Variants in KIAA1671 observed in about 807,000 individuals in gnomAD.
KIAA1671 encodes the protein uncharacterized protein KIAA1671.
In KIAA1671, 52 loss-of-function variants were observed where a neutral mutation model predicts 131.2. The observed-to-expected ratio is 0.40, with a 90% CI of 0.32 to 0.50. The LOEUF (loss-of-function observed/expected upper bound fraction) is 0.50, where lower values mean the gene tolerates loss of function less well. Among genes scored for constraint, KIAA1671 ranks in the 20% least tolerant of loss-of-function variants. KIAA1671 has a pLI of 0.73. For synonymous variants in KIAA1671, 1,003 were observed against 961.6 expected (o/e 1.04, Z -0.80); for missense variants, 2,360 against 2,364.2 (o/e 1.00, Z 0.04).
intron 1 of KIAA1671, among the ~76,000 whole-genome samples, chr22:24,953,499 C>G (rs1324288152): frequency 6.6e-6 from 1 of 152,052 alleles, no homozygotes; most frequent in African/African-American, 2.4e-5. Context: ...TGCGCCCCCC[C>G]TCCGCTCGTC....
intron 1 of KIAA1671, among the ~76,000 whole-genome samples, chr22:24,993,570 C>G (rs1177257739): frequency 1.3e-5 from 2 of 152,208 alleles, no homozygotes; most frequent in Admixed American, 6.5e-5. Flanking sequence ...ATCACAAACC[C>G]TGTTCCCATC....
At chr22:25,192,337 A>G (rs1934695326) in intron 12 of KIAA1671, 69 bp from the exon 13 acceptor site, 1 of 152,264 alleles carries the variant, frequency 6.6e-6, no homozygotes, top group Non-Finnish European at 1.5e-5. Context: ...GATTTTAAGG[A>G]CTGAGGGTAG....
chr22:25,016,603 G>A (rs7290901), intron 1 of KIAA1671, among the ~76,000 whole-genome samples: 64,479 of 152,018 alleles, frequency 0.42, 13,642 homozygotes, highest in Middle Eastern at 0.49. Context: ...AACTAGGGTG[G>A]AGGACATGGA....
chr22:25,149,427 G>A (rs1013724462), intron 6 of KIAA1671, among the ~76,000 whole-genome samples: 3 of 152,152 alleles, frequency 2.0e-5, no homozygotes, highest in African/African-American at 7.2e-5. Flanking sequence ...GGGAGGAGGA[G>A]AGTGGAAGAT....
At chr22:24,983,865 G>A (rs905917490) in intron 1 of KIAA1671, among the ~76,000 whole-genome samples, 1 of 146,092 alleles carries the variant, frequency 6.8e-6, no homozygotes, top group African/African-American at 2.6e-5. Context: ...CACAACCTCC[G>A]CCTCCTGGAT....
chr22:25,184,635 T>A lies in KIAA1671; in HGVS notation c.5200-342T>A, dbSNP rs1409841650. Among the ~76,000 whole-genome samples, 7 of 152,326 alleles carry A rather than the reference T, an allele frequency of 4.6e-5. No homozygotes were observed. In the East Asian group the frequency reaches 1.3e-3, roughly 29 times the overall value. On this transcript the variant is annotated intron_variant, in intron 10 of 12. Coordinates refer to ENST00000358431, the MANE Select transcript of KIAA1671 (RefSeq NM_001145206.2). ...CCAGGAGTAAGGAACTGAACGGAGCTAAGCTGCAGCTGTTGGATGGAGGGA... is the reference window on the plus strand; with the variant it reads ...CCAGGAGTAAGGAACTGAACGGAGCAAAGCTGCAGCTGTTGGATGGAGGGA...
chr22:25,099,536 GGTTT>G (rs1436504296), intron 6 of KIAA1671, among the ~76,000 whole-genome samples: 5 of 65,580 alleles, frequency 7.6e-5, no homozygotes, highest in Non-Finnish European at 1.4e-4. Flanking sequence ...TCAAAATGTG[GGTTT>G]TTTTGTTTTT....
At position 25,039,842 on chromosome 22, in the gene KIAA1671, T is replaced by G; in HGVS notation, c.2712T>G (p.Asp904Glu). ...ACTCCCAAGCACGAACACATCCAGATGCATTTGCTGTGCAGAAAGGGCCCT... is the reference window on the plus strand; with the variant it reads ...ACTCCCAAGCACGAACACATCCAGAGGCATTTGCTGTGCAGAAAGGGCCCT... ...PSDSQARTHP[D>E]AFAVQKGPFI... The change falls in exon 5 of 13, where the codon GAT (aspartate) becomes GAG (glutamate). Residue 904 changes from aspartate to glutamate, a missense_variant. Coordinates refer to ENST00000358431, the MANE Select transcript of KIAA1671 (RefSeq NM_001145206.2). 6.5e-7 allele frequency: 1 copy of G among 1,548,920 alleles called. No homozygotes were observed. Among genetic ancestry groups the G allele is most frequent in the South Asian group, 1.2e-5 (1 of 83,696 alleles).
chr22:25,096,957 C>T (rs1014812386), intron 6 of KIAA1671, among the ~76,000 whole-genome samples: 2 of 152,200 alleles, frequency 1.3e-5, no homozygotes, highest in African/African-American at 4.8e-5. Flanking sequence ...ATAACTCGTT[C>T]CCTTTATCAG....
intron 1 of KIAA1671, among the ~76,000 whole-genome samples, chr22:24,983,854 C>T (rs1923366361): frequency 1.3e-5 from 2 of 151,124 alleles, no homozygotes; most frequent in South Asian, 4.2e-4. Flanking sequence ...TCTCGGCTCA[C>T]CACAACCTCC....
At position 25,040,547 on chromosome 22, in the gene KIAA1671, CCCTCGT is replaced by C; in HGVS notation, c.3422_3427del (p.Arg1141_Pro1142del). The C allele has an allele frequency of 6.4e-7, 1 of 1,551,744 alleles. No individual in the cohort carries two copies. On this transcript the variant is annotated inframe_deletion, in exon 5 of 13. Transcript: ENST00000358431. ...GGAGTCATCGGGGATCAGAAGATGGCCCTCGTCCTCAAAGCAATTGGAAGGAAAGTG... is the reference window on the plus strand; with the variant it reads ...GGAGTCATCGGGGATCAGAAGATGGCCCTCAAAGCAATTGGAAGGAAAGTG...
At position 25,040,854 on chromosome 22, in the gene KIAA1671, G is replaced by A. The variant is rs200060948; in HGVS notation, c.3724G>A (p.Gly1242Arg). The A allele has an allele frequency of 1.1e-3, 1,776 of 1,547,988 alleles. 21 individuals carry two copies. In the African/African-American group the frequency reaches 0.022, roughly 19 times the overall value. Residue 1242 changes from glycine (G) to arginine (R), a missense_variant, in exon 5 of 13, where the codon GGG (glycine) becomes AGG (arginine). By Grantham distance (125) the Gly-to-Arg change is moderately radical. Transcript: ENST00000358431. ...LPRERPVQLGGVEQRRRSLKE... is the reference protein window; with the variant it reads ...LPRERPVQLGRVEQRRRSLKE... ...TCGGGAGAGGCCTGTTCAGCTGGGC[G>A]GGGTGGAGCAGAGAAGGAGGAGCCT...
chr22:25,049,661 T>A (rs753791953), intron 6 of KIAA1671: 1 of 309,964 alleles, frequency 3.2e-6, no homozygotes. Context: ...TGGGTTCCAA[T>A]CCCAGCACGG....
At chr22:24,976,124 G>A (rs892119279) in intron 1 of KIAA1671, among the ~76,000 whole-genome samples, 6 of 152,222 alleles carry the variant, frequency 3.9e-5, no homozygotes, top group Admixed American at 6.5e-5. Context: ...GCGACTGCAG[G>A]CGCTTGGCCC....
At chr22:25,006,446 G>C (rs1288742282) in intron 1 of KIAA1671, among the ~76,000 whole-genome samples, 1 of 152,106 alleles carries the variant, frequency 6.6e-6, no homozygotes, top group Non-Finnish European at 1.5e-5. Context: ...ATTGGGAATG[G>C]GGGAATTAAG....
chr22:24,977,954 A>G (rs1004807883), intron 1 of KIAA1671, among the ~76,000 whole-genome samples: 1 of 152,188 alleles, frequency 6.6e-6, no homozygotes, highest in Non-Finnish European at 1.5e-5. Flanking sequence ...TCAGAACCTC[A>G]GGGCTCCAGC....
At chr22:25,014,180 A>C (rs1479354895) in intron 1 of KIAA1671, 1 of 152,214 alleles carries the variant, frequency 6.6e-6, no homozygotes, top group Non-Finnish European at 1.5e-5. Flanking sequence ...TGGGTTATCT[A>C]ATATTTATAT....
intron 1 of KIAA1671, among the ~76,000 whole-genome samples, chr22:24,976,852 C>T (rs556239973): frequency 6.6e-5 from 10 of 152,200 alleles, no homozygotes; most frequent in African/African-American, 2.4e-4. Flanking sequence ...GGGGACCTGC[C>T]AGTCATGAGT....
chr22:25,005,507 G>A (rs987986047), intron 1 of KIAA1671, among the ~76,000 whole-genome samples: 1 of 152,134 alleles, frequency 6.6e-6, no homozygotes, highest in Non-Finnish European at 1.5e-5. Flanking sequence ...ATGCAAACTT[G>A]TTGCACTCGG....
Sources: allele counts gnomAD v4.1 joint callset (sites outside exome capture counted in the v4.1 genomes callset), GRCh38; gene constraint gnomAD v4.1.1; transcripts MANE v1.5; gene names NCBI Gene and HGNC (gene_info 2026-07-23, HGNC 2026-07-21).